The following ATP13A4 variants were observed in gnomAD, a reference collection of about 807,000 sequenced individuals.
ATP13A4 encodes the protein ATPase 13A4, also known as probable cation-transporting ATPase 13A4.
In ATP13A4, 114 loss-of-function variants were observed where a neutral mutation model predicts 142.5. The observed-to-expected ratio is 0.80, with a 90% confidence interval of 0.69 to 0.93. ATP13A4 has a LOEUF of 0.93. Ranked by LOEUF, ATP13A4 falls within the 40% of genes least tolerant of loss-of-function variation. The pLI, the probability that ATP13A4 is intolerant of heterozygous loss-of-function variation, is 0.00. For missense variants in ATP13A4, 1,392 were observed against 1,454.0 expected, an observed-to-expected ratio of 0.96 and a Z score of 0.69; for synonymous variants, 488 against 514.8, an observed-to-expected ratio of 0.95 and a Z score of 0.70.
chr3:193,428,043 T>C (rs1715763886), intron 25 of ATP13A4, among the ~76,000 whole-genome samples: 1 of 152,188 alleles, frequency 6.6e-6, no homozygotes, highest in Non-Finnish European at 1.5e-5. Flanking sequence ...TCTACTCATC[T>C]GACAAAGGGC....
chr3:193,585,458 A>G (rs990355828), intron 1 of ATP13A4, among the ~76,000 whole-genome samples: 6 of 149,474 alleles, frequency 4.0e-5, no homozygotes, highest in African/African-American at 1.5e-4. Flanking sequence ...CAACAAAACA[A>G]AAAACATCAG....
At chr3:193,516,933 T>C (rs918709586) in intron 1 of ATP13A4, among the ~76,000 whole-genome samples, 1 of 152,322 alleles carries the variant, frequency 6.6e-6, no homozygotes, top group South Asian at 2.1e-4. Flanking sequence ...ATAGTAATAA[T>C]AGTGATTATT....
chr3:193,571,443 C>A (rs2108741419), intron 2 of ATP13A4, among the ~76,000 whole-genome samples: 1 of 152,236 alleles, frequency 6.6e-6, no homozygotes, highest in South Asian at 2.1e-4. Context: ...TTAACATTGG[C>A]TGCTGGTAGT....
Position 193,541,354 on chromosome 3 carries a change from T to TAGA in ATP13A4, c.60+13385_60+13386insTCT, listed in dbSNP as rs1485549458. Among the ~76,000 whole-genome samples the TAGA allele has an allele frequency of 7.4e-4, 67 of 90,148 alleles. 1 individual carries two copies. The highest frequency in any genetic ancestry group is 9.8e-4 in the Non-Finnish European group (32 of 32,666). 59.1% of individuals were successfully genotyped at this position (90,148 alleles called of 152,430 possible). A position where few individuals can be genotyped will look rare whatever the true frequency, so the allele number is the denominator to read the frequency against. ...TACAAAGATATTATCTGATCACAGA[T>TAGA]TATCTATCTGTGATTATCGATCACA... On this transcript the variant is annotated intron_variant, in intron 1 of 29. Coordinates refer to ENST00000342695, the MANE Select transcript of ATP13A4 (RefSeq NM_032279.4).
rs1721802065 is a variant in ATP13A4 at position 193,522,930 on chromosome 3, T to C, written c.61-8059A>G. The stretch of plus-strand genomic sequence containing the variant: ...ATAATAATAAATAAATATTTTGTCT[T>C]TGTCTCCAGTTTCTGGCACACAGCA... On this transcript the variant is annotated intron_variant, in intron 1 of 29. Transcript: ENST00000342695. Among the ~76,000 whole-genome samples the C allele has an allele frequency of 2.0e-5, 3 of 152,242 alleles. No individual in the cohort carries two copies. The South Asian group carries it at 6.2e-4, about 32-fold the overall frequency.
intron 29 of ATP13A4, among the ~76,000 whole-genome samples, chr3:193,406,335 A>G (rs1265824158): frequency 1.3e-5 from 2 of 152,180 alleles, no homozygotes; most frequent in African/African-American, 4.8e-5. Flanking sequence ...CCTACACAAT[A>G]CTGCAGGGAA....
At chr3:193,503,995 A>ATGTGTGTGTGTGTGTGTGTGTGTGTG (rs554927410) in intron 2 of ATP13A4, among the ~76,000 whole-genome samples, 3 of 136,086 alleles carry the variant, frequency 2.2e-5, no homozygotes, top group African/African-American at 8.4e-5. Context: ...TTCTGTGTGC[A>ATGTGTGTGTGTGTGTGTGTGTGTGTG]TGTGTGTGTG....
Position 193,417,905 on chromosome 3 carries a change from A to G in ATP13A4, c.2843-3155T>C, listed in dbSNP as rs374578063. 7.6e-3 allele frequency among the ~76,000 whole-genome samples: 1,111 copies of G among 145,724 alleles called. 85 individuals are homozygous for G. Among genetic ancestry groups the G allele is most frequent in the East Asian group, 0.052 (238 of 4,550 alleles). On this transcript the variant is annotated intron_variant, in intron 25 of 29. Coordinates refer to ENST00000342695, the MANE Select transcript of ATP13A4 (RefSeq NM_032279.4). ...TGGGAGGCCAAGGCGGGCGGATCAC[A>G]AGGTCAGGAGATCGAGACCATCCCG...
rs1220241197 is a variant in ATP13A4 at position 193,440,744 on chromosome 3, A to G, written c.2440-107T>C. ...CTGCATCATGACACTTACGATGAAG[A>G]AAAAAAAAAGTTTCCAATGAGCCTT... On this transcript the variant is annotated intron_variant, in intron 20 of 29. Transcript: ENST00000342695. The G allele has an allele frequency of 6.4e-6, 7 of 1,090,946 alleles. 1 individual carries two copies. The highest frequency in any genetic ancestry group is 4.4e-5 in the Admixed American group (2 of 44,984). The allele number at this position is 1,090,946 out of a possible 1,614,324, so 67.6% of individuals were successfully genotyped here.
intron 1 of ATP13A4, among the ~76,000 whole-genome samples, chr3:193,522,546 C>A (rs1419129231): frequency 1.3e-5 from 2 of 152,254 alleles, no homozygotes; most frequent in East Asian, 3.9e-4. Flanking sequence ...ATTTAAAATT[C>A]TTTTCACCCA....
intron 1 of ATP13A4, among the ~76,000 whole-genome samples, chr3:193,526,693 T>C (rs115616496): frequency 0.012 from 1,894 of 152,228 alleles, 35 homozygotes; most frequent in African/African-American, 0.044. Flanking sequence ...AATATTGTTA[T>C]GGGATACATA....
At chr3:193,525,573 C>T (rs1384641314) in intron 1 of ATP13A4, among the ~76,000 whole-genome samples, 1 of 152,146 alleles carries the variant, frequency 6.6e-6, no homozygotes, top group African/African-American at 2.4e-5. Flanking sequence ...AAATGCTTTC[C>T]TGGGTCCCAC....
intron 17 of ATP13A4, among the ~76,000 whole-genome samples, chr3:193,451,514 A>C (rs541809569): frequency 6.6e-6 from 1 of 152,350 alleles, no homozygotes; most frequent in South Asian, 2.1e-4. Flanking sequence ...TCTGAACCAA[A>C]AAAATTAAAA....
chr3:193,443,499 C>T (rs1446329476), intron 18 of ATP13A4, among the ~76,000 whole-genome samples: 1 of 139,998 alleles, frequency 7.1e-6, no homozygotes, highest in Non-Finnish European at 1.5e-5. Context: ...TGATTGCTAG[C>T]CCAAAACAAA....
intron 11 of ATP13A4, among the ~76,000 whole-genome samples, 172 bp from the exon 12 acceptor site, chr3:193,465,300 G>A (rs1259005922): frequency 2.0e-5 from 3 of 152,044 alleles, no homozygotes; most frequent in African/African-American, 7.2e-5. Flanking sequence ...CGATTGTCCT[G>A]CCTCAGCCTC....
chr3:193,426,948 A>C (rs925225516), intron 25 of ATP13A4, among the ~76,000 whole-genome samples: 1 of 152,028 alleles, frequency 6.6e-6, no homozygotes, highest in African/African-American at 2.4e-5. Flanking sequence ...GGATTCTTAG[A>C]TATAACACCA....
Position 193,424,279 on chromosome 3 carries a change from C to A in ATP13A4, c.2843-9529G>T, listed in dbSNP as rs975740538. On this transcript the variant is annotated intron_variant, in intron 25 of 29. Coordinates refer to ENST00000342695, the MANE Select transcript of ATP13A4 (RefSeq NM_032279.4). ...ACCTAAAACAATCTACAGATTCAAT[C>A]CAATCTCTATCAAAACACCAAAGAA... 1.4e-4 allele frequency among the ~76,000 whole-genome samples: 20 copies of A among 147,570 alleles called. 1 individual carries two copies. Among genetic ancestry groups the A allele is most frequent in the African/African-American group, 4.7e-4 (19 of 40,200 alleles).
intron 26 of ATP13A4, 70 bp downstream of exon 26, chr3:193,414,509 A>C: frequency 6.4e-7 from 1 of 1,574,608 alleles, no homozygotes; most frequent in South Asian, 1.1e-5. Context: ...TGTGCCTCCC[A>C]TCATATTGGC....
chr3:193,567,860 G>A (rs190004666), intron 2 of ATP13A4, among the ~76,000 whole-genome samples: 7 of 152,270 alleles, frequency 4.6e-5, no homozygotes, highest in African/African-American at 1.4e-4. Flanking sequence ...CCTCCAAACA[G>A]ACTCCCCTTC....
Sources: gnomAD v4.1 joint callset for allele counts (sites outside exome capture counted in the v4.1 genomes callset) on GRCh38, gnomAD v4.1.1 for gene constraint, MANE v1.5 for transcripts, NCBI Gene and HGNC (gene_info 2026-07-23, HGNC 2026-07-21) for gene names.